Variants in MCC observed in about 807,000 individuals in gnomAD.
The protein encoded by MCC is colorectal mutant cancer protein.
In MCC, 90 loss-of-function variants were observed where a neutral mutation model predicts 116.2. The observed-to-expected ratio is 0.77, with a 90% CI of 0.65 to 0.92. The LOEUF is 0.92. Ranked by LOEUF, MCC falls within the 40% of genes least tolerant of loss-of-function variation. MCC has a pLI of 0.00. For synonymous variants in MCC, 578 were observed against 510.5 expected (o/e 1.13, Z -1.78); for missense variants, 1,516 against 1,312.2 (o/e 1.16, Z -2.40).
In MCC at chr5:113,172,856, CAT is replaced by C. The variant is rs533482643; in HGVS notation, c.628-21436_628-21435del. Among the ~76,000 whole-genome samples the C allele has an allele frequency of 9.9e-5, 15 of 151,888 alleles. No homozygotes were observed. The South Asian group carries it at 2.1e-3, about 21-fold the overall frequency. On this transcript the variant is annotated intron_variant, in intron 3 of 18. Transcript: ENST00000408903. ...TGTATCTATTTCACTTTACTCCTAA[CAT>C]GTGTAGATATATCACATATTTTTTT...
chr5:113,287,982 T>C (rs1766328051), intron 3 of MCC, among the ~76,000 whole-genome samples: 1 of 152,280 alleles, frequency 6.6e-6, no homozygotes, highest in Non-Finnish European at 1.5e-5. Context: ...ATCACCTACC[T>C]GGTCTTTGAG....
At chr5:113,452,695 C>T (rs191073398) in intron 1 of MCC, among the ~76,000 whole-genome samples, 1 of 152,306 alleles carries the variant, frequency 6.6e-6, no homozygotes, top group East Asian at 1.9e-4. Flanking sequence ...CTATTAATGC[C>T]ACACCAGAAG....
chr5:113,043,555 C>T lies in MCC; in HGVS notation c.2731G>A (p.Ala911Thr). The change falls in exon 17 of 19, where the codon GCG becomes ACG. Residue 911 changes from alanine (A) to threonine (T), a missense_variant. Physicochemically the swap from Ala to Thr is moderately conservative, Grantham distance 58 (BLOSUM62 0). Transcript: ENST00000408903. ...RTTCSENELA[A>T]EFTNAIRREK... ...CGACGAATGGCGTTGGTGAACTCCG[C>T]AGCCAGCTCATTCTCGCTGCACGTT... The T allele has an allele frequency of 6.2e-7, 1 of 1,614,144 alleles. No homozygotes were observed. Among genetic ancestry groups the T allele is most frequent in the Non-Finnish European group, 8.5e-7 (1 of 1,180,024 alleles).
intron 1 of MCC, among the ~76,000 whole-genome samples, chr5:113,482,499 C>T (rs1461459266): frequency 5.3e-5 from 8 of 152,086 alleles, no homozygotes; most frequent in Admixed American, 1.3e-4. Context: ...TTGCATTTCC[C>T]TAGTGGCTAA....
chr5:113,107,600 A>T (rs796375292), intron 6 of MCC, among the ~76,000 whole-genome samples: 3 of 152,298 alleles, frequency 2.0e-5, no homozygotes, highest in African/African-American at 7.2e-5. Flanking sequence ...CAGAGACCAC[A>T]CCAACCAGCC....
intron 16 of MCC, among the ~76,000 whole-genome samples, chr5:113,045,024 G>A (rs550694288): frequency 1.4e-4 from 22 of 152,170 alleles, no homozygotes; most frequent in African/African-American, 3.9e-4. Context: ...CACCTGGGCC[G>A]CCTTCCACCT....
chr5:113,103,678 C>A (rs760299564), intron 7 of MCC, among the ~76,000 whole-genome samples: 3 of 152,138 alleles, frequency 2.0e-5, no homozygotes, highest in Non-Finnish European at 4.4e-5. Context: ...CACTAAGTTA[C>A]GTTGAAGGAA....
intron 1 of MCC, among the ~76,000 whole-genome samples, chr5:113,460,740 T>C (rs1164316365): frequency 1.3e-5 from 2 of 152,214 alleles, no homozygotes; most frequent in Non-Finnish European, 2.9e-5. Context: ...GAGACAGTTG[T>C]AGCTTGTTGC....
intron 11 of MCC, among the ~76,000 whole-genome samples, chr5:113,079,549 A>C (rs1356565894): frequency 2.6e-5 from 4 of 152,208 alleles, no homozygotes; most frequent in African/African-American, 9.6e-5. Flanking sequence ...CAAAAACAAG[A>C]AATGGGGAAA....
chr5:113,166,993 C>A (rs1760805817), intron 3 of MCC, among the ~76,000 whole-genome samples: 1 of 152,158 alleles, frequency 6.6e-6, no homozygotes, highest in African/African-American at 2.4e-5. Context: ...ACAGCGATGG[C>A]TGTGGAATTA....
chr5:113,380,460 C>T (rs1769089830), intron 2 of MCC, among the ~76,000 whole-genome samples: 1 of 152,228 alleles, frequency 6.6e-6, no homozygotes, highest in African/African-American at 2.4e-5. Context: ...CTGTGCACTG[C>T]ACTTCCCTGT....
chr5:113,064,393 C>G (rs1484527414), intron 13 of MCC, among the ~76,000 whole-genome samples: 2 of 152,228 alleles, frequency 1.3e-5, no homozygotes, highest in Non-Finnish European at 2.9e-5. Context: ...CTCCACTGGC[C>G]TCAGGGACAA....
chr5:113,153,336 G>C (rs1184250865), intron 3 of MCC, among the ~76,000 whole-genome samples: 1 of 152,178 alleles, frequency 6.6e-6, no homozygotes, highest in Non-Finnish European at 1.5e-5. Context: ...GGAGGGAAAA[G>C]CTGAGAGAAT....
rs1364381518 is a variant in MCC at position 113,023,820 on chromosome 5, G to C, written c.*3482C>G. The C allele has an allele frequency of 2.6e-5, 4 of 152,194 alleles. No homozygotes were observed. Among genetic ancestry groups the C allele is most frequent in the Non-Finnish European group, 5.9e-5 (4 of 68,032 alleles). 9.4% of individuals were successfully genotyped at this position (152,194 alleles called of 1,614,324 possible). ...TGAGAGCTATTAAGGTTGACTGATA[G>C]ACTTAAAAAGTGATTGCTTTATAAT... On this transcript the variant is annotated 3_prime_UTR_variant, in exon 19 of 19. Transcript: ENST00000408903.
At chr5:113,176,639 C>T (rs1349043550) in intron 3 of MCC, among the ~76,000 whole-genome samples, 1 of 152,186 alleles carries the variant, frequency 6.6e-6, no homozygotes, top group Non-Finnish European at 1.5e-5. Flanking sequence ...TGCAAACTAA[C>T]CCACCCCGTA....
intron 1 of MCC, among the ~76,000 whole-genome samples, chr5:113,420,690 T>C (rs917871316): frequency 2.0e-5 from 3 of 152,166 alleles, no homozygotes; most frequent in Non-Finnish European, 4.4e-5. Context: ...ATAAAGGACA[T>C]GCTAGTCTAT....
At chr5:113,079,694 C>T (rs562807431) in intron 11 of MCC, among the ~76,000 whole-genome samples, 2 of 152,160 alleles carry the variant, frequency 1.3e-5, no homozygotes, top group Admixed American at 1.3e-4. Context: ...AGACCTAAAA[C>T]CGTAAAACCT....
At chr5:113,384,381 G>A (rs1405979669) in intron 2 of MCC, among the ~76,000 whole-genome samples, 1 of 152,192 alleles carries the variant, frequency 6.6e-6, no homozygotes, top group Non-Finnish European at 1.5e-5. Flanking sequence ...GAGGTCAGGA[G>A]ATCAAGACCA....
chr5:113,028,566 T>G (rs577023312), intron 18 of MCC, among the ~76,000 whole-genome samples: 1 of 152,192 alleles, frequency 6.6e-6, no homozygotes, highest in African/African-American at 2.4e-5. Flanking sequence ...CCAGTGGATA[T>G]TGTGTTGCTC....
Sources: allele counts gnomAD v4.1 joint callset (sites outside exome capture counted in the v4.1 genomes callset), GRCh38; gene constraint gnomAD v4.1.1; transcripts MANE v1.5; gene names NCBI Gene and HGNC (gene_info 2026-07-23, HGNC 2026-07-21).